The following CHRM3 variants were observed in gnomAD, a reference collection of about 807,000 sequenced individuals.
CHRM3 encodes the protein muscarinic acetylcholine receptor M3.
Under a neutral mutation model 41.8 loss-of-function variants are expected in CHRM3, and 11 were observed. That is an observed-to-expected ratio of 0.26 (90% CI 0.17 to 0.44). The LOEUF (loss-of-function observed/expected upper bound fraction) is 0.44, where lower values mean the gene tolerates loss of function less well. CHRM3 is among the 20% of genes least tolerant of loss of function. CHRM3 has a pLI of 1.00. For synonymous variants in CHRM3, 297 were observed against 301.4 expected, an observed-to-expected ratio of 0.99 and a Z score of 0.15; for missense variants, 571 against 745.4, an observed-to-expected ratio of 0.77 and a Z score of 2.72.
intron 5 of CHRM3, among the ~76,000 whole-genome samples, chr1:239,780,142 A>G (rs748019009): frequency 2.0e-5 from 3 of 152,220 alleles, no homozygotes; most frequent in African/African-American, 4.8e-5. Context: ...TTGAATAAAT[A>G]CCAAGTAATG....
intron 5 of CHRM3, among the ~76,000 whole-genome samples, chr1:239,696,427 G>T (rs1660197795): frequency 6.6e-6 from 1 of 152,024 alleles, no homozygotes; most frequent in South Asian, 2.1e-4. Context: ...TTCTCCTAGG[G>T]TTCATCACTC....
At chr1:239,605,108 A>C (rs567069238) in intron 3 of CHRM3, among the ~76,000 whole-genome samples, 4 of 152,216 alleles carry the variant, frequency 2.6e-5, no homozygotes, top group African/African-American at 2.4e-5. Flanking sequence ...TACATATTTC[A>C]TGAAGTCATG....
intron 4 of CHRM3, among the ~76,000 whole-genome samples, chr1:239,652,543 C>T (rs1264508769): frequency 1.3e-5 from 2 of 151,926 alleles, no homozygotes; most frequent in African/African-American, 4.8e-5. Context: ...ATTTTTTTCT[C>T]TGCTGAGCAA....
intron 3 of CHRM3, among the ~76,000 whole-genome samples, chr1:239,615,868 G>A (rs779536224): frequency 6.6e-6 from 1 of 152,132 alleles, no homozygotes; most frequent in Non-Finnish European, 1.5e-5. Flanking sequence ...TTTCTTACAT[G>A]CCACTCTTCT....
At chr1:239,787,066 A>C (rs1668962508) in intron 5 of CHRM3, among the ~76,000 whole-genome samples, 1 of 152,232 alleles carries the variant, frequency 6.6e-6, no homozygotes, top group African/African-American at 2.4e-5. Flanking sequence ...CAGGTGGTGC[A>C]TGAGAAAAAA....
chr1:239,515,758 A>G (rs1203949356), intron 2 of CHRM3, among the ~76,000 whole-genome samples: 2 of 152,176 alleles, frequency 1.3e-5, no homozygotes, highest in Admixed American at 1.3e-4. Context: ...CATTTGGCCA[A>G]AATGATACCA....
chr1:239,559,100 C>T (rs1277284006), intron 3 of CHRM3, among the ~76,000 whole-genome samples: 1 of 152,142 alleles, frequency 6.6e-6, no homozygotes, highest in African/African-American at 2.4e-5. Context: ...ATAAGTATAA[C>T]ACAAATGTTT....
Position 239,543,730 on chromosome 1 carries a change from G to C in CHRM3, c.-421-1911G>C, listed in dbSNP as rs548685685. Among the ~76,000 whole-genome samples, 12 of 152,064 alleles carry C rather than the reference G, an allele frequency of 7.9e-5. No individual in the cohort carries two copies. The South Asian group carries it at 2.5e-3, about 32-fold the overall frequency. The stretch of plus-strand genomic sequence containing the variant: ...TCACCATGTTAGCCAGGATGGTCTC[G>C]ATCTCCTGATCTCATGATCCGCCCA... On this transcript the variant is annotated intron_variant, in intron 2 of 6. Coordinates refer to ENST00000676153, the MANE Select transcript of CHRM3 (RefSeq NM_001375978.1).
intron 3 of CHRM3, among the ~76,000 whole-genome samples, chr1:239,592,695 C>G (rs1033135377): frequency 1.3e-5 from 2 of 151,874 alleles, no homozygotes; most frequent in Non-Finnish European, 2.9e-5. Flanking sequence ...AATGAAATAC[C>G]ACATAATATA....
intron 3 of CHRM3, among the ~76,000 whole-genome samples, chr1:239,579,878 AT>A (rs1662707064): frequency 6.6e-6 from 1 of 152,096 alleles, no homozygotes; most frequent in Non-Finnish European, 1.5e-5. Context: ...GGTAAGTATA[AT>A]TGTCACCATT....
At chr1:239,699,516 CT>C (rs979052658) in intron 5 of CHRM3, among the ~76,000 whole-genome samples, 4 of 152,156 alleles carry the variant, frequency 2.6e-5, no homozygotes, top group African/African-American at 9.7e-5. Flanking sequence ...GGTCTAGCAT[CT>C]TGATCTTGGA....
chr1:239,809,319 C>G (rs182511081), intron 5 of CHRM3, among the ~76,000 whole-genome samples: 1 of 152,180 alleles, frequency 6.6e-6, no homozygotes, highest in Non-Finnish European at 1.5e-5. Context: ...CGCACCCGGC[C>G]TCTGAAGTCT....
intron 3 of CHRM3, among the ~76,000 whole-genome samples, chr1:239,604,988 A>G (rs1666063437): frequency 6.6e-6 from 1 of 152,084 alleles, no homozygotes; most frequent in South Asian, 2.1e-4. Flanking sequence ...TACAACTTTC[A>G]TGGGTTCCTT....
intron 5 of CHRM3, among the ~76,000 whole-genome samples, chr1:239,690,046 CAG>C (rs772849076): frequency 4.8e-4 from 45 of 93,074 alleles, no homozygotes; most frequent in East Asian, 5.4e-4. Context: ...GAGAGAGACA[CAG>C]AGAGAGAGAG....
At chr1:239,430,940 A>G (rs775923979) in intron 1 of CHRM3, among the ~76,000 whole-genome samples, 1 of 152,244 alleles carries the variant, frequency 6.6e-6, no homozygotes, top group Non-Finnish European at 1.5e-5. Flanking sequence ...TAATATAAAC[A>G]CATTTTCAAC....
At chr1:239,504,030 C>T (rs923330561) in intron 2 of CHRM3, among the ~76,000 whole-genome samples, 6 of 151,946 alleles carry the variant, frequency 3.9e-5, no homozygotes, top group African/African-American at 1.4e-4. Flanking sequence ...GCCAAGAACC[C>T]AAAAGCAAAT....
chr1:239,555,721 A>G (rs1466705088), intron 3 of CHRM3, among the ~76,000 whole-genome samples: 8 of 152,222 alleles, frequency 5.3e-5, no homozygotes, highest in Admixed American at 2.6e-4. Context: ...CTGCTACTCT[A>G]TGCTTATGGG....
chr1:239,466,798 A>G (rs939601599), intron 1 of CHRM3, among the ~76,000 whole-genome samples: 1 of 152,116 alleles, frequency 6.6e-6, no homozygotes, highest in South Asian at 2.1e-4. Flanking sequence ...TTACATATCT[A>G]TTAAACTTAT....
chr1:239,763,278 C>G (rs912708120), intron 5 of CHRM3, among the ~76,000 whole-genome samples: 3 of 152,162 alleles, frequency 2.0e-5, no homozygotes, highest in African/African-American at 7.2e-5. Flanking sequence ...TATTAACATT[C>G]ACTAGATTTT....
Sources: gnomAD v4.1 joint callset for allele counts (sites outside exome capture counted in the v4.1 genomes callset) on GRCh38, gnomAD v4.1.1 for gene constraint, MANE v1.5 for transcripts, NCBI Gene and HGNC (gene_info 2026-07-23, HGNC 2026-07-21) for gene names.